SYBU: variants seen among roughly 807,000 people sequenced by gnomAD.
SYBU encodes the protein GOLSYN A protein.
A neutral mutation model predicts 35.9 loss-of-function variants in SYBU; 21 were observed. That is an observed-to-expected ratio of 0.58 (90% CI 0.41 to 0.84). SYBU has a LOEUF of 0.84. Ranked by LOEUF, SYBU falls within the 40% of genes least tolerant of loss-of-function variation. SYBU has a pLI of 0.00. For synonymous variants in SYBU, 319 were observed against 324.3 expected, an observed-to-expected ratio of 0.98 and a Z score of 0.18; for missense variants, 768 against 848.2, an observed-to-expected ratio of 0.91 and a Z score of 1.17.
At chr8:109,631,531 C>T (rs1056424862) in intron 2 of SYBU, among the ~76,000 whole-genome samples, 6 of 152,178 alleles carry the variant, frequency 3.9e-5, no homozygotes, top group South Asian at 2.1e-4. Context: ...CAGAAGACTC[C>T]GTGCTCTCTC....
At chr8:109,625,407 T>C (rs1275209708) in intron 2 of SYBU, among the ~76,000 whole-genome samples, 1 of 152,216 alleles carries the variant, frequency 6.6e-6, no homozygotes, top group South Asian at 2.1e-4. Flanking sequence ...AAAATAGATA[T>C]AAACATCACT....
intron 1 of SYBU, among the ~76,000 whole-genome samples, chr8:109,655,803 A>T (rs1816330615): frequency 6.6e-6 from 1 of 152,168 alleles, no homozygotes; most frequent in African/African-American, 2.4e-5. Context: ...ACTCAGGATA[A>T]TGTGTAGTTT....
intron 2 of SYBU, among the ~76,000 whole-genome samples, chr8:109,619,481 C>G (rs1285867438): frequency 6.6e-6 from 1 of 152,196 alleles, no homozygotes; most frequent in Non-Finnish European, 1.5e-5. Context: ...TCTGCCTCAG[C>G]CTCCCAAAGT....
At chr8:109,665,718 T>C (rs1008317115) in intron 1 of SYBU, among the ~76,000 whole-genome samples, 1 of 152,210 alleles carries the variant, frequency 6.6e-6, no homozygotes, top group African/African-American at 2.4e-5. Flanking sequence ...CTGGTAACCA[T>C]GTACATATTC....
chr8:109,643,907 T>C (rs754026730), intron 1 of SYBU, among the ~76,000 whole-genome samples: 1 of 152,164 alleles, frequency 6.6e-6, no homozygotes, highest in Non-Finnish European at 1.5e-5. Context: ...ACCACCACCC[T>C]GCCTTATGAA....
At chr8:109,645,247 C>T (rs1029600528), upstream of SYBU, 3 of 456,756 alleles carry the variant, frequency 6.6e-6, no homozygotes, top group Non-Finnish European at 1.3e-5. Flanking sequence ...TACAGCTCCC[C>T]ACAACTGCCT....
intron 3 of SYBU, among the ~76,000 whole-genome samples, chr8:109,606,388 TACTC>T (rs1255114199): frequency 1.3e-5 from 2 of 152,200 alleles, no homozygotes; most frequent in African/African-American, 4.8e-5. Context: ...ATGTGAGGGG[TACTC>T]TTACTATCTC....
rs879469279 is a variant in SYBU, at chr8:109,574,427, A to T, written c.*479T>A. The T allele has an allele frequency of 1.3e-5, 2 of 153,244 alleles. No individual in the cohort carries two copies. Among genetic ancestry groups the T allele is most frequent in the Non-Finnish European group, 2.9e-5 (2 of 68,416 alleles). The allele number at this position is 153,244 out of a possible 1,614,324, so 9.5% of individuals were successfully genotyped here. A position where few individuals can be genotyped will look rare whatever the true frequency, so the allele number is the denominator to read the frequency against. On this transcript the variant is annotated 3_prime_UTR_variant, in exon 7 of 7. Transcript: ENST00000276646. ...AAATCTTATCAACCCCAAGTAAGAC[A>T]GTAAAGAGCTATTCAAGACTTCTTC... is the stretch of plus-strand genomic sequence containing the variant.
At chr8:109,644,922 C>A, upstream of SYBU, 1 of 543,542 alleles carries the variant, frequency 1.8e-6, no homozygotes, top group Non-Finnish European at 3.3e-6. Context: ...CCCTCACCTG[C>A]GGCCTTCGGG....
chr8:109,580,102 T>G (rs1822850412), intron 4 of SYBU, 100 bp from the exon 5 acceptor site: 3 of 1,122,308 alleles, frequency 2.7e-6, no homozygotes, highest in Non-Finnish European at 1.3e-6. Flanking sequence ...ATTTATAGAG[T>G]TGAAAGGCGC....
chr8:109,669,541 G>A (rs1014666822), intron 1 of SYBU, among the ~76,000 whole-genome samples: 2 of 152,038 alleles, frequency 1.3e-5, no homozygotes, highest in Non-Finnish European at 2.9e-5. Flanking sequence ...GTCAGGTTTG[G>A]TTCAAACACT....
intron 2 of SYBU, among the ~76,000 whole-genome samples, chr8:109,625,523 G>C (rs920137226): frequency 1.3e-5 from 2 of 152,092 alleles, no homozygotes; most frequent in Non-Finnish European, 2.9e-5. Flanking sequence ...CCTGGCTCAC[G>C]TGATTATTCC....
chr8:109,644,513 C>G (rs922364555), intron 1 of SYBU, 123 bp downstream of exon 1: 6 of 1,164,316 alleles, frequency 5.2e-6, no homozygotes, highest in Non-Finnish European at 7.2e-6. Flanking sequence ...ACCCCACCAC[C>G]ACCTCCTTCC....
At chr8:109,598,230 C>A (rs571263239) in intron 3 of SYBU, among the ~76,000 whole-genome samples, 1 of 152,222 alleles carries the variant, frequency 6.6e-6, no homozygotes, top group African/African-American at 2.4e-5. Flanking sequence ...ATTTGACATA[C>A]AGATACACAC....
chr8:109,654,497 G>C (rs1426461895), intron 1 of SYBU, among the ~76,000 whole-genome samples: 1 of 152,078 alleles, frequency 6.6e-6, no homozygotes, highest in Non-Finnish European at 1.5e-5. Context: ...CTTAAATGTT[G>C]CTTTTGCTCA....
chr8:109,652,004 C>A (rs1816162819), intron 1 of SYBU, among the ~76,000 whole-genome samples: 1 of 152,288 alleles, frequency 6.6e-6, no homozygotes, highest in South Asian at 2.1e-4. Flanking sequence ...TTCATTCATT[C>A]ATCCATCCAT....
chr8:109,599,294 A>C (rs1450940530), intron 3 of SYBU, among the ~76,000 whole-genome samples: 1 of 152,214 alleles, frequency 6.6e-6, no homozygotes, highest in Non-Finnish European at 1.5e-5. Flanking sequence ...CTTAAGCAAA[A>C]AGTTAACATA....
chr8:109,609,556 C>A (rs1810942462), intron 3 of SYBU, among the ~76,000 whole-genome samples: 1 of 152,118 alleles, frequency 6.6e-6, no homozygotes. Flanking sequence ...TACAGAAAAA[C>A]CAGCTGTCCC....
intron 1 of SYBU, among the ~76,000 whole-genome samples, chr8:109,674,505 T>C (rs2130771439): frequency 6.6e-6 from 1 of 152,232 alleles, no homozygotes; most frequent in South Asian, 2.1e-4. Context: ...TCACCACCAG[T>C]CCTGCCTTAC....
Sources: allele counts gnomAD v4.1 joint callset (sites outside exome capture counted in the v4.1 genomes callset), GRCh38; gene constraint gnomAD v4.1.1; transcripts MANE v1.5; gene names NCBI Gene and HGNC (gene_info 2026-07-23, HGNC 2026-07-21).